TCF25: variants seen among roughly 807,000 people sequenced by gnomAD.
TCF25 encodes ribosome quality control complex subunit TCF25.
TCF25 carries 41 observed loss-of-function variants against 83.1 expected under a neutral mutation model. That is an observed-to-expected ratio of 0.49 (90% CI 0.38 to 0.64). The LOEUF (loss-of-function observed/expected upper bound fraction) is 0.64, where lower values mean the gene tolerates loss of function less well. TCF25 is among the 30% of genes least tolerant of loss of function. TCF25 has a pLI of 0.00. For synonymous variants in TCF25, 458 were observed against 365.0 expected, an observed-to-expected ratio of 1.25 and a Z score of -2.90; for missense variants, 979 against 914.5, an observed-to-expected ratio of 1.07 and a Z score of -0.91.
chr16:89,891,176 A>G (rs1208809700), intron 5 of TCF25, among the ~76,000 whole-genome samples: 1 of 152,218 alleles, frequency 6.6e-6, no homozygotes, highest in African/African-American at 2.4e-5. Flanking sequence ...GCATCTGCCC[A>G]GGCTGCCTCG....
At chr16:89,884,462 G>T in intron 2 of TCF25, 120 bp from the exon 3 acceptor site, 1 of 968,138 alleles carries the variant, frequency 1.0e-6, no homozygotes. Flanking sequence ...GGAACTTTTG[G>T]GACACGGAGG....
At chr16:89,885,182 A>G (rs1355648217) in intron 3 of TCF25, among the ~76,000 whole-genome samples, 2 of 152,170 alleles carry the variant, frequency 1.3e-5, no homozygotes, top group African/African-American at 4.8e-5. Flanking sequence ...CTTACTTAGT[A>G]TTTTTATTCC....
intron 16 of TCF25, among the ~76,000 whole-genome samples, chr16:89,908,628 TCCC>T (rs2045243561): frequency 8.9e-6 from 1 of 112,558 alleles, no homozygotes; most frequent in Non-Finnish European, 1.9e-5. Context: ...ACCTCCCAGC[TCCC>T]ACCTCCCACC....
chr16:89,889,211 A>T (rs780132872), intron 5 of TCF25: 237 of 394,052 alleles, frequency 6.0e-4, no homozygotes, highest in Non-Finnish European at 1.0e-3. Context: ...ATTTATTTTT[A>T]TTTTTTTATT....
At chr16:89,908,921 G>A in intron 16 of TCF25, 1 of 1,287,478 alleles carries the variant, frequency 7.8e-7, no homozygotes, top group Non-Finnish European at 1.0e-6. Context: ...AGACCCAGAT[G>A]CTGAGAGATG....
chr16:89,878,563 G>T, intron 1 of TCF25: 2 of 1,187,262 alleles, frequency 1.7e-6, no homozygotes, highest in East Asian at 6.6e-5. Context: ...ATCAGTCGTG[G>T]ACAAGAACCT....
At chr16:89,907,918 G>A (rs1430340780) in intron 16 of TCF25, among the ~76,000 whole-genome samples, 7 of 29,692 alleles carry the variant, frequency 2.4e-4, no homozygotes, top group Non-Finnish European at 3.7e-4. Context: ...CCCAGCTCCT[G>A]CCTCCCTCCT....
In TCF25 at chr16:89,906,436, C is replaced by T. The variant is rs1331072300; in HGVS notation, c.1719+152C>T. ...CAGGGGCAGGGTCTAGTGCAGAGGGCTCCTCCTTTCCTGGCAGCCCGGGTT... is the reference window on the plus strand; with the variant it reads ...CAGGGGCAGGGTCTAGTGCAGAGGGTTCCTCCTTTCCTGGCAGCCCGGGTT... On this transcript the variant is annotated intron_variant, in intron 15 of 17. Transcript: ENST00000263346. 1.2e-5 allele frequency: 8 copies of T among 665,852 alleles called. No homozygotes were observed. In the East Asian group the frequency reaches 2.2e-4, roughly 18 times the overall value. The allele number at this position is 665,852 out of a possible 1,614,324, so 41.2% of individuals were successfully genotyped here.
intron 10 of TCF25, 52 bp downstream of exon 10, chr16:89,898,701 G>T (rs375211550): frequency 1.9e-6 from 3 of 1,611,738 alleles, no homozygotes; most frequent in Middle Eastern, 1.7e-4. Context: ...CCTGGCTGCA[G>T]GCCCACTCTC....
At chr16:89,900,065 G>C (rs2044190566) in intron 11 of TCF25, among the ~76,000 whole-genome samples, 1 of 152,194 alleles carries the variant, frequency 6.6e-6, no homozygotes, top group African/African-American at 2.4e-5. Context: ...CCCAAAATGG[G>C]GCTGCAGAAG....
At chr16:89,893,691 T>C (rs931593470) in intron 6 of TCF25, 37 bp from the exon 7 acceptor site, 2 of 1,612,662 alleles carry the variant, frequency 1.2e-6, no homozygotes, top group Non-Finnish European at 1.7e-6. Context: ...ACGTCCCTGC[T>C]CCCGGCACAC....
intron 1 of TCF25, among the ~76,000 whole-genome samples, chr16:89,874,340 G>T (rs1197449728): frequency 6.6e-6 from 1 of 152,080 alleles, no homozygotes; most frequent in African/African-American, 2.4e-5. Flanking sequence ...GCGATGGCGT[G>T]GGCGGGGTTA....
intron 6 of TCF25, among the ~76,000 whole-genome samples, chr16:89,892,905 C>G (rs542879896): frequency 3.3e-5 from 5 of 152,322 alleles, no homozygotes; most frequent in South Asian, 2.1e-4. Context: ...CTGCTGCTGT[C>G]AGCGCTGCCA....
chr16:89,904,357 AC>A, intron 13 of TCF25, 152 bp downstream of exon 13: 3 of 820,948 alleles, frequency 3.7e-6, no homozygotes, highest in Non-Finnish European at 6.0e-6. Context: ...TTGACATGGG[AC>A]GGCTCTGGAG....
chr16:89,882,750 C>T (rs1162328793), intron 1 of TCF25, among the ~76,000 whole-genome samples: 3 of 152,150 alleles, frequency 2.0e-5, no homozygotes, highest in Admixed American at 2.0e-4. Context: ...CTGTGCCTGG[C>T]TAATTTTTGT....
chr16:89,877,636 A>G (rs1233211005), intron 1 of TCF25, among the ~76,000 whole-genome samples: 2 of 152,208 alleles, frequency 1.3e-5, no homozygotes, highest in Non-Finnish European at 2.9e-5. Flanking sequence ...GGAAGAAACT[A>G]ATCAAAGAGG....
intron 1 of TCF25, among the ~76,000 whole-genome samples, chr16:89,875,431 C>T (rs528477678): frequency 1.3e-5 from 2 of 150,722 alleles, no homozygotes; most frequent in African/African-American, 4.9e-5. Flanking sequence ...TTTCTGCGTG[C>T]TGAAAGATAC....
intron 9 of TCF25, 103 bp from the exon 10 acceptor site, chr16:89,898,454 C>T (rs1170434466): frequency 1.1e-5 from 13 of 1,159,628 alleles, no homozygotes; most frequent in African/African-American, 6.0e-5. Flanking sequence ...CTGGCCAGGA[C>T]GCTGAGCAGA....
At position 89,885,924 on chromosome 16, in the gene TCF25, C is replaced by G; in HGVS notation, c.506C>G (p.Ala169Gly). 1 of 1,584,756 alleles carries G rather than the reference C, an allele frequency of 6.3e-7. No homozygotes were observed. The highest frequency in any genetic ancestry group is 2.4e-5 in the East Asian group (1 of 41,282). Reference protein sequence around the residue: ...DSTGLNRPGPAPLSSRKHVLY... With the variant: ...DSTGLNRPGPGPLSSRKHVLY... ...ACTGGGTTGAACCGTCCCGGCCCAG[C>G]TCCCCTGAGCTCCAGGAAGCACGTT... The change falls in exon 4 of 18, where the codon GCT becomes GGT. Residue 169 changes from alanine (A) to glycine (G), a missense_variant. Coordinates refer to ENST00000263346, the MANE Select transcript of TCF25 (RefSeq NM_014972.3).
Sources: allele counts gnomAD v4.1 joint callset (sites outside exome capture counted in the v4.1 genomes callset), GRCh38; gene constraint gnomAD v4.1.1; transcripts MANE v1.5; gene names NCBI Gene and HGNC (gene_info 2026-07-23, HGNC 2026-07-21).